The following ST6GALNAC3 variants were observed in gnomAD, a reference collection of about 807,000 sequenced individuals.
ST6GALNAC3 encodes alpha-N-acetylgalactosaminide alpha-2,6-sialyltransferase 3.
ST6GALNAC3 carries 25 observed loss-of-function variants against 32.7 expected under a neutral mutation model. That is an observed-to-expected ratio of 0.76 (90% CI 0.56 to 1.07). The LOEUF (loss-of-function observed/expected upper bound fraction) is 1.07, where lower values mean the gene tolerates loss of function less well. Ranked by LOEUF, ST6GALNAC3 falls within the 50% of genes least tolerant of loss-of-function variation. The pLI is 0.00. For synonymous variants in ST6GALNAC3, 129 were observed against 133.1 expected, an observed-to-expected ratio of 0.97 and a Z score of 0.21; for missense variants, 355 against 382.4, an observed-to-expected ratio of 0.93 and a Z score of 0.60.
At chr1:76,265,367 G>T (rs1172563900) in intron 1 of ST6GALNAC3, among the ~76,000 whole-genome samples, 1 of 152,122 alleles carries the variant, frequency 6.6e-6, no homozygotes, top group Non-Finnish European at 1.5e-5. Flanking sequence ...GCCCAGCATT[G>T]CTAATCATTT....
chr1:76,330,565 C>T (rs1302542906), intron 2 of ST6GALNAC3, among the ~76,000 whole-genome samples: 2 of 152,206 alleles, frequency 1.3e-5, no homozygotes, highest in Non-Finnish European at 2.9e-5. Flanking sequence ...GCCAACCGTT[C>T]TGGAGGACAT....
At chr1:76,239,964 C>T (rs1050945788) in intron 1 of ST6GALNAC3, among the ~76,000 whole-genome samples, 1 of 152,164 alleles carries the variant, frequency 6.6e-6, no homozygotes, top group African/African-American at 2.4e-5. Context: ...AATGCTTTAG[C>T]CTCTTTTGCA....
chr1:76,522,794 C>T (rs918975750), intron 3 of ST6GALNAC3, among the ~76,000 whole-genome samples: 1 of 152,098 alleles, frequency 6.6e-6, no homozygotes, highest in African/African-American at 2.4e-5. Flanking sequence ...TAATTTACAC[C>T]TGGAAAGTCA....
intron 3 of ST6GALNAC3, among the ~76,000 whole-genome samples, chr1:76,608,597 ATGTGTGTGTGTGTGTGTGTG>A (rs60960904): frequency 2.7e-4 from 37 of 135,246 alleles, no homozygotes; most frequent in African/African-American, 7.3e-4. Flanking sequence ...TGAGCTGGAA[ATGTGTGTGTGTGTGTGTGTG>A]TGTGTGTGTG....
At chr1:76,172,053 T>C (rs1652551130) in intron 1 of ST6GALNAC3, among the ~76,000 whole-genome samples, 1 of 151,802 alleles carries the variant, frequency 6.6e-6, no homozygotes. Context: ...TACAGGCCAA[T>C]AAGCCAAATA....
intron 2 of ST6GALNAC3, among the ~76,000 whole-genome samples, chr1:76,376,507 C>G (rs558576950): frequency 2.8e-4 from 43 of 152,246 alleles, no homozygotes; most frequent in African/African-American, 1.0e-3. Flanking sequence ...ATCTGTTCTC[C>G]AAAGCCATAA....
intron 3 of ST6GALNAC3, among the ~76,000 whole-genome samples, chr1:76,456,203 TTG>T (rs1396496469): frequency 2.0e-5 from 3 of 152,008 alleles, no homozygotes; most frequent in Non-Finnish European, 4.4e-5. Flanking sequence ...AACAAAAACT[TTG>T]TGAAGTAACT....
chr1:76,128,212 AG>A (rs1649383927), intron 1 of ST6GALNAC3, among the ~76,000 whole-genome samples: 1 of 152,172 alleles, frequency 6.6e-6, no homozygotes, highest in Non-Finnish European at 1.5e-5. Context: ...ATTCACAGAA[AG>A]GAGAAAAGGC....
chr1:76,404,059 A>G (rs1653632170), intron 2 of ST6GALNAC3, among the ~76,000 whole-genome samples: 2 of 152,052 alleles, frequency 1.3e-5, no homozygotes, highest in Admixed American at 1.3e-4. Context: ...CGAGAAACAT[A>G]GCTTTATGTT....
chr1:76,485,097 T>A (rs1660018666), intron 3 of ST6GALNAC3, among the ~76,000 whole-genome samples: 1 of 152,202 alleles, frequency 6.6e-6, no homozygotes, highest in African/African-American at 2.4e-5. Context: ...GGATAAGCTT[T>A]TTGATGTGCT....
chr1:76,505,694 G>A (rs891388731), intron 3 of ST6GALNAC3, among the ~76,000 whole-genome samples: 1 of 152,158 alleles, frequency 6.6e-6, no homozygotes, highest in Non-Finnish European at 1.5e-5. Flanking sequence ...CTCTGGCTGT[G>A]CATTGCTTGA....
intron 1 of ST6GALNAC3, among the ~76,000 whole-genome samples, chr1:76,092,128 T>C (rs1251800106): frequency 6.6e-6 from 1 of 152,224 alleles, no homozygotes; most frequent in African/African-American, 2.4e-5. Flanking sequence ...ATGGTACAAG[T>C]GGAAACACAG....
chr1:76,147,753 C>A (rs1002821836), intron 1 of ST6GALNAC3, among the ~76,000 whole-genome samples: 10 of 152,204 alleles, frequency 6.6e-5, no homozygotes, highest in Middle Eastern at 3.4e-3. Flanking sequence ...AATGAGGGAG[C>A]CTTCTCAGTT....
chr1:76,408,549 T>C (rs189275967), intron 2 of ST6GALNAC3, among the ~76,000 whole-genome samples: 1 of 152,238 alleles, frequency 6.6e-6, no homozygotes, highest in African/African-American at 2.4e-5. Context: ...TCTGCACAGC[T>C]GTGGCATCCC....
chr1:76,486,433 G>A (rs1374005264), intron 3 of ST6GALNAC3, among the ~76,000 whole-genome samples: 1 of 152,148 alleles, frequency 6.6e-6, no homozygotes, highest in African/African-American at 2.4e-5. Flanking sequence ...ATATATTTAG[G>A]ATAGTTAGCT....
At chr1:76,409,522 A>G (rs904237823) in intron 2 of ST6GALNAC3, among the ~76,000 whole-genome samples, 3 of 148,724 alleles carry the variant, frequency 2.0e-5, no homozygotes, top group Non-Finnish European at 4.5e-5. Flanking sequence ...TGTTTATCAA[A>G]GCACTTTTTT....
chr1:76,099,795 TTTA>T (rs1034018639), intron 1 of ST6GALNAC3, among the ~76,000 whole-genome samples: 1 of 152,152 alleles, frequency 6.6e-6, no homozygotes, highest in African/African-American at 2.4e-5. Context: ...TAAATAATAC[TTTA>T]TTAAGTTTTC....
chr1:76,144,490 C>G (rs187669152), intron 1 of ST6GALNAC3, among the ~76,000 whole-genome samples: 13 of 152,252 alleles, frequency 8.5e-5, no homozygotes, highest in Non-Finnish European at 1.8e-4. Flanking sequence ...CTCATTTGTT[C>G]AGTCATTCAA....
intron 1 of ST6GALNAC3, chr1:76,307,779 G>C (rs978788974): frequency 2.5e-5 from 6 of 239,368 alleles, no homozygotes; most frequent in African/African-American, 1.4e-4. Flanking sequence ...ACAGTAGAAA[G>C]AATAAAAACA....
Sources: allele counts gnomAD v4.1 joint callset (sites outside exome capture counted in the v4.1 genomes callset), GRCh38; gene constraint gnomAD v4.1.1; transcripts MANE v1.5; gene names NCBI Gene and HGNC (gene_info 2026-07-23, HGNC 2026-07-21).